NDUFS4: variants seen among roughly 807,000 people sequenced by gnomAD.
The protein encoded by NDUFS4 is NADH:ubiquinone oxidoreductase subunit S4, also known as NADH dehydrogenase [ubiquinone] iron-sulfur protein 4, mitochondrial.
A neutral mutation model predicts 24.3 loss-of-function variants in NDUFS4; 28 were observed. The observed-to-expected ratio is 1.15, with a 90% confidence interval of 0.85 to 1.58. The LOEUF (loss-of-function observed/expected upper bound fraction) is 1.58, where lower values mean the gene tolerates loss of function less well. NDUFS4 is among the 40% of genes most tolerant of loss of function. The pLI, the probability that NDUFS4 is intolerant of heterozygous loss-of-function variation, is 0.00. For missense variants in NDUFS4, 223 were observed against 207.9 expected, an observed-to-expected ratio of 1.07 and a Z score of -0.45; for synonymous variants, 93 against 69.7, an observed-to-expected ratio of 1.34 and a Z score of -1.67.
intron 3 of NDUFS4, among the ~76,000 whole-genome samples, chr5:53,646,941 A>G (rs986619817): frequency 2.0e-5 from 3 of 152,056 alleles, no homozygotes; most frequent in African/African-American, 7.2e-5. Flanking sequence ...TTAAGCATCC[A>G]CTAGGGGTTT....
intron 2 of NDUFS4, among the ~76,000 whole-genome samples, chr5:53,624,522 T>C (rs534568154): frequency 6.6e-6 from 1 of 152,290 alleles, no homozygotes; most frequent in South Asian, 2.1e-4. Context: ...TAACAGTGTT[T>C]TGCGGTTTTC....
At chr5:53,646,529 T>G in intron 3 of NDUFS4, 124 bp downstream of exon 3, 1 of 956,312 alleles carries the variant, frequency 1.0e-6, no homozygotes, top group Non-Finnish European at 1.6e-6. Flanking sequence ...TTGACGCTGT[T>G]AAGTACCACT....
intron 2 of NDUFS4, among the ~76,000 whole-genome samples, chr5:53,639,370 T>C (rs1223180695): frequency 6.6e-6 from 1 of 151,924 alleles, no homozygotes; most frequent in Non-Finnish European, 1.5e-5. Context: ...TTAGCTACTC[T>C]ATAGTGTATA....
Position 53,683,314 on chromosome 5 carries a change from T to G in NDUFS4, c.*93T>G. On this transcript the variant is annotated 3_prime_UTR_variant, in exon 5 of 5. Transcript: ENST00000296684. ...ATAATAAATACATCTCTTAATCTCC[T>G]AATAAATTGGACCTTTAAACTACAG... 1 of 918,614 alleles carries G rather than the reference T, an allele frequency of 1.1e-6. No homozygotes were observed. The highest frequency in any genetic ancestry group is 1.8e-6 in the Non-Finnish European group (1 of 560,750). 56.9% of individuals were successfully genotyped at this position (918,614 alleles called of 1,614,324 possible). A position where few individuals can be genotyped will look rare whatever the true frequency, so the allele number is the denominator to read the frequency against.
chr5:53,582,709 T>C (rs1749613045), intron 1 of NDUFS4, among the ~76,000 whole-genome samples: 1 of 152,246 alleles, frequency 6.6e-6, no homozygotes. Context: ...CTTGTCTGTG[T>C]TTCTCTTTAG....
chr5:53,646,529 T>C (rs777413218), intron 3 of NDUFS4, 124 bp downstream of exon 3: 3 of 956,312 alleles, frequency 3.1e-6, no homozygotes, highest in Non-Finnish European at 4.9e-6. Context: ...TTGACGCTGT[T>C]AAGTACCACT....
At chr5:53,603,920 C>G (rs1348661769) in intron 2 of NDUFS4, among the ~76,000 whole-genome samples, 1 of 152,026 alleles carries the variant, frequency 6.6e-6, no homozygotes, top group Non-Finnish European at 1.5e-5. Context: ...AAGCATGCAA[C>G]ATTTATTATC....
chr5:53,670,036 C>G (rs974376188), intron 4 of NDUFS4, among the ~76,000 whole-genome samples: 48 of 151,974 alleles, frequency 3.2e-4, no homozygotes, highest in Non-Finnish European at 3.1e-4. Flanking sequence ...GTTTTCCTGT[C>G]AAGTTAATTT....
In NDUFS4 at chr5:53,588,559, A is replaced by T. The variant is rs567354655; in HGVS notation, c.99-14893A>T. ...TGACTGACTGTGAAGTTACTACATG[A>T]CTGTTATCCAGTTTGTTTCATGAAG... On this transcript the variant is annotated intron_variant, in intron 1 of 4. Transcript: ENST00000296684. Among the ~76,000 whole-genome samples, 3 of 152,276 alleles carry T rather than the reference A, an allele frequency of 2.0e-5. No homozygotes were observed. In the South Asian group the frequency reaches 6.2e-4, roughly 32 times the overall value.
chr5:53,604,616 C>A, intron 2 of NDUFS4: 1 of 378,946 alleles, frequency 2.6e-6, no homozygotes, highest in Non-Finnish European at 5.2e-6. Flanking sequence ...CTGGTATTGT[C>A]ACCCTCTTTT....
intron 1 of NDUFS4, among the ~76,000 whole-genome samples, chr5:53,572,958 T>G (rs1249740555): frequency 1.2e-4 from 10 of 84,188 alleles, no homozygotes; most frequent in Admixed American, 5.6e-4. Context: ...TTGTTTTTTG[T>G]TTTTTTTTTT....
chr5:53,665,226 C>T (rs1183401770), intron 4 of NDUFS4, among the ~76,000 whole-genome samples: 6 of 152,198 alleles, frequency 3.9e-5, no homozygotes, highest in Non-Finnish European at 7.3e-5. Context: ...TGTGAGGTGT[C>T]AGTCTGACCC....
Position 53,683,140 on chromosome 5 carries a change from G to C in NDUFS4, c.447G>C (p.Glu149Asp). The change falls in exon 5 of 5, where the codon GAG becomes GAC. Residue 149 changes from glutamate (E) to aspartate (D), a missense_variant. Physicochemically the swap from Glu to Asp is conservative, Grantham distance 45. Transcript: ENST00000296684. ...EKNGWSYDIE[E>D]RKVPKPKSKS... ...TAGGATGGAGCTATGACATTGAAGA[G>C]AGGAAGGTTCCAAAACCCAAGTCCA... 1.2e-6 allele frequency: 2 copies of C among 1,608,606 alleles called. No individual in the cohort carries two copies. Among genetic ancestry groups the C allele is most frequent in the Non-Finnish European group, 1.7e-6 (2 of 1,175,342 alleles).
intron 4 of NDUFS4, among the ~76,000 whole-genome samples, chr5:53,668,681 G>A (rs1579939026): frequency 6.8e-6 from 1 of 147,914 alleles, no homozygotes; most frequent in South Asian, 2.1e-4. Flanking sequence ...GGCTGGCCTC[G>A]AACTCCTGAC....
intron 2 of NDUFS4, among the ~76,000 whole-genome samples, chr5:53,607,479 A>T (rs1750558699): frequency 1.3e-5 from 2 of 151,858 alleles, no homozygotes; most frequent in Admixed American, 1.3e-4. Context: ...GAAATTCTGT[A>T]AAAAAAAGAA....
intron 2 of NDUFS4, among the ~76,000 whole-genome samples, chr5:53,615,887 G>A (rs927832486): frequency 7.2e-5 from 11 of 152,168 alleles, no homozygotes; most frequent in African/African-American, 2.4e-4. Flanking sequence ...TTAGTGTACC[G>A]ATGTACATCT....
intron 4 of NDUFS4, among the ~76,000 whole-genome samples, chr5:53,659,818 C>G (rs544526507): frequency 6.6e-6 from 1 of 152,032 alleles, no homozygotes; most frequent in Non-Finnish European, 1.5e-5. Flanking sequence ...GATTAAAAGT[C>G]TGAAGTCAAC....
chr5:53,618,224 G>A (rs1166444326), intron 2 of NDUFS4, among the ~76,000 whole-genome samples: 4 of 152,116 alleles, frequency 2.6e-5, no homozygotes, highest in Non-Finnish European at 5.9e-5. Context: ...GCAGTGAGGC[G>A]TGATCATGCC....
chr5:53,658,719 T>G lies in NDUFS4; in HGVS notation c.424+95T>G, dbSNP rs941904378. 19 of 1,059,432 alleles carry G rather than the reference T, an allele frequency of 1.8e-5. No individual in the cohort carries two copies. The African/African-American group carries it at 3.2e-4, about 18-fold the overall frequency. 65.6% of individuals were successfully genotyped at this position (1,059,432 alleles called of 1,614,324 possible). On this transcript the variant is annotated intron_variant, in intron 4 of 4. Coordinates refer to ENST00000296684, the MANE Select transcript of NDUFS4 (RefSeq NM_002495.4). ...TAAGTATACAGAATTTGAGTTGGAA[T>G]CCAGTGGTTTCATTGTATCTAATCC...
Sources: gnomAD v4.1 joint callset for allele counts (sites outside exome capture counted in the v4.1 genomes callset) on GRCh38, gnomAD v4.1.1 for gene constraint, MANE v1.5 for transcripts, NCBI Gene and HGNC (gene_info 2026-07-23, HGNC 2026-07-21) for gene names.